The following ZEB1 variants were observed in gnomAD, a reference collection of about 807,000 sequenced individuals.
The protein encoded by ZEB1 is zinc finger E-box binding homeobox 1, also known as zinc finger E-box-binding homeobox 1.
A neutral mutation model predicts 84.9 loss-of-function variants in ZEB1; 21 were observed. The observed-to-expected ratio is 0.25, with a 90% CI of 0.18 to 0.36. The LOEUF (loss-of-function observed/expected upper bound fraction) is 0.36. ZEB1 is among the 10% of genes least tolerant of loss of function. ZEB1 has a pLI of 1.00. For synonymous variants in ZEB1, 420 were observed against 471.1 expected, an observed-to-expected ratio of 0.89 and a Z score of 1.41; for missense variants, 1,104 against 1,330.2, an observed-to-expected ratio of 0.83 and a Z score of 2.65.
intron 2 of ZEB1, among the ~76,000 whole-genome samples, chr10:31,461,854 T>G (rs2061855508): frequency 6.6e-6 from 1 of 152,166 alleles, no homozygotes; most frequent in South Asian, 2.1e-4. Context: ...AGTCTTTTAT[T>G]CTAGCTCTAA....
At chr10:31,504,080 T>G (rs1265037990) in intron 4 of ZEB1, among the ~76,000 whole-genome samples, 2 of 143,310 alleles carry the variant, frequency 1.4e-5, no homozygotes, top group East Asian at 1.9e-4. Context: ...TCTTCTAGTT[T>G]TATGGTGTTG....
At chr10:31,443,442 A>G (rs924526502) in intron 1 of ZEB1, among the ~76,000 whole-genome samples, 1 of 149,810 alleles carries the variant, frequency 6.7e-6, no homozygotes, top group Non-Finnish European at 1.5e-5. Context: ...TTTAAGTTTT[A>G]GGGTACATGT....
chr10:31,320,483 G>A (rs963633028), intron 1 of ZEB1: 2 of 151,860 alleles, frequency 1.3e-5, no homozygotes, highest in African/African-American at 2.4e-5. Context: ...CGGGTGGAAG[G>A]AGGGTGGGGG....
At chr10:31,380,236 T>C (rs2047388327) in intron 1 of ZEB1, among the ~76,000 whole-genome samples, 1 of 152,028 alleles carries the variant, frequency 6.6e-6, no homozygotes, top group African/African-American at 2.4e-5. Context: ...TAAACTATCC[T>C]GTAGAATATC....
At chr10:31,319,935 G>A (rs942490579) in intron 1 of ZEB1, 2 of 147,390 alleles carry the variant, frequency 1.4e-5, no homozygotes, top group African/African-American at 2.5e-5. Context: ...GGTTGCGTGG[G>A]GTTTGTGCGC....
At chr10:31,435,451 A>G (rs571089258) in intron 1 of ZEB1, among the ~76,000 whole-genome samples, 1 of 152,360 alleles carries the variant, frequency 6.6e-6, no homozygotes, top group Middle Eastern at 3.4e-3. Flanking sequence ...AAGTAACTAA[A>G]CAAGATAATT....
chr10:31,410,128 T>G (rs1668743296), intron 1 of ZEB1, among the ~76,000 whole-genome samples: 1 of 152,230 alleles, frequency 6.6e-6, no homozygotes, highest in Non-Finnish European at 1.5e-5. Context: ...CCATTCAGCA[T>G]GATATTGGCT....
At chr10:31,424,496 G>T (rs1158593995) in intron 1 of ZEB1, among the ~76,000 whole-genome samples, 2 of 151,896 alleles carry the variant, frequency 1.3e-5, no homozygotes, top group African/African-American at 4.8e-5. Flanking sequence ...TTCTTATATT[G>T]AATATTTGAG....
intron 1 of ZEB1, among the ~76,000 whole-genome samples, chr10:31,370,626 C>T (rs1417538612): frequency 6.6e-6 from 1 of 152,132 alleles, no homozygotes. Flanking sequence ...TGACTTTTTG[C>T]AATTTCCGGA....
intron 2 of ZEB1, among the ~76,000 whole-genome samples, chr10:31,487,055 AAATT>A (rs1303210530): frequency 5.9e-5 from 9 of 151,402 alleles, no homozygotes; most frequent in Non-Finnish European, 1.3e-4. Flanking sequence ...TTTTTGTCAG[AAATT>A]AATTGTCTAT....
At chr10:31,321,213 C>T in intron 1 of ZEB1, 1 of 1,127,178 alleles carries the variant, frequency 8.9e-7, no homozygotes, top group South Asian at 3.0e-5. Flanking sequence ...GTGGGATTTC[C>T]TGTCTAGAAG....
At chr10:31,489,311 T>C (rs2066169341) in intron 2 of ZEB1, among the ~76,000 whole-genome samples, 1 of 151,404 alleles carries the variant, frequency 6.6e-6, no homozygotes, top group Non-Finnish European at 1.5e-5. Context: ...AATGATATAA[T>C]TTTTCATGAT....
In ZEB1 at chr10:31,504,564, T is replaced by G. The variant is rs146468428; in HGVS notation, c.484+2055T>G. Among the ~76,000 whole-genome samples the G allele has an allele frequency of 7.4e-4, 112 of 152,278 alleles. No individual in the cohort carries two copies. The Middle Eastern group carries it at 0.014, about 18-fold the overall frequency. On this transcript the variant is annotated intron_variant, in intron 4 of 8. Transcript: ENST00000424869. ...CTGGGCAATATGATCATTTTAATGA[T>G]GTTAATTCTTCTGATCCATGAGCAT...
At chr10:31,376,760 T>G (rs978314475) in intron 1 of ZEB1, among the ~76,000 whole-genome samples, 4 of 151,684 alleles carry the variant, frequency 2.6e-5, no homozygotes, top group Non-Finnish European at 5.9e-5. Flanking sequence ...TATATGAAAA[T>G]GCTAGAAGAG....
intron 1 of ZEB1, among the ~76,000 whole-genome samples, chr10:31,457,530 A>AT (rs916140578): frequency 1.3e-5 from 2 of 152,020 alleles, no homozygotes; most frequent in African/African-American, 4.8e-5. Flanking sequence ...GATTTTTCCC[A>AT]TTTTATGACA....
chr10:31,497,342 T>G (rs1207333993), intron 3 of ZEB1, among the ~76,000 whole-genome samples: 3 of 152,132 alleles, frequency 2.0e-5, no homozygotes, highest in Non-Finnish European at 4.4e-5. Flanking sequence ...ATTCTTTCAG[T>G]TTGAAGTACT....
intron 1 of ZEB1, among the ~76,000 whole-genome samples, chr10:31,446,730 A>G (rs1022295500): frequency 7.9e-5 from 12 of 152,002 alleles, no homozygotes; most frequent in Non-Finnish European, 4.4e-5. Flanking sequence ...GCTTTGAGTG[A>G]GATTCTTAAT....
chr10:31,413,005 C>T (rs1026649343), intron 1 of ZEB1, among the ~76,000 whole-genome samples: 7 of 152,036 alleles, frequency 4.6e-5, no homozygotes, highest in Non-Finnish European at 1.0e-4. Flanking sequence ...TTTTTAAATG[C>T]CATAGAATCG....
intron 1 of ZEB1, among the ~76,000 whole-genome samples, chr10:31,331,366 G>A (rs948455420): frequency 2.6e-5 from 4 of 152,046 alleles, no homozygotes; most frequent in African/African-American, 7.2e-5. Context: ...GATTACAGGC[G>A]TGAGCCACCA....
Sources: gnomAD v4.1 joint callset for allele counts (sites outside exome capture counted in the v4.1 genomes callset) on GRCh38, gnomAD v4.1.1 for gene constraint, MANE v1.5 for transcripts, NCBI Gene and HGNC (gene_info 2026-07-23, HGNC 2026-07-21) for gene names.